Variants in CDCA5 observed in about 807,000 individuals in gnomAD.
CDCA5 encodes the protein sororin.
Under a neutral mutation model 25.7 loss-of-function variants are expected in CDCA5, and 14 were observed. That is an observed-to-expected ratio of 0.54 (90% confidence interval 0.36 to 0.85). The LOEUF (loss-of-function observed/expected upper bound fraction) is 0.85. Ranked by LOEUF, CDCA5 falls within the 40% of genes least tolerant of loss-of-function variation. The probability of loss-of-function intolerance (pLI) is 0.01; values close to 1 mark genes in which losing one functional copy is unlikely to be tolerated. For missense variants in CDCA5, 307 were observed against 324.5 expected (o/e 0.95, Z 0.41); for synonymous variants, 127 against 128.7 (o/e 0.99, Z 0.09).
chr11:65,078,480 A>C lies in CDCA5; in HGVS notation c.*627T>G. On this transcript the variant is annotated 3_prime_UTR_variant, in exon 6 of 6. Coordinates refer to ENST00000275517, the MANE Select transcript of CDCA5 (RefSeq NM_080668.4). ...CTGTGTAGTACACACTTATGGTCTG[A>C]GACCCAACTAAGGCTCCCTACATCC... is the stretch of plus-strand genomic sequence containing the variant. 1.0e-6 allele frequency: 1 copy of C among 985,584 alleles called. No individual in the cohort carries two copies. Among genetic ancestry groups the C allele is most frequent in the East Asian group, 1.1e-4 (1 of 8,820 alleles). The allele number at this position is 985,584 out of a possible 1,614,324, so 61.1% of individuals were successfully genotyped here. A position where few individuals can be genotyped will look rare whatever the true frequency, so the allele number is the denominator to read the frequency against.
chr11:65,068,679 G>A, intron 1 of CDCA5: 1 of 882,210 alleles, frequency 1.1e-6, no homozygotes, highest in Non-Finnish European at 1.6e-6. Flanking sequence ...CTGGTTTTTA[G>A]GGGGCGGCTT....
downstream of CDCA5, among the ~76,000 whole-genome samples, chr11:65,075,909 G>A (rs78301846): frequency 0.035 from 5,267 of 152,282 alleles, 150 homozygotes; most frequent in East Asian, 0.078. Flanking sequence ...AAAAGGAGCT[G>A]GCAGTGCCAC....
chr11:65,077,456 A>T lies in CDCA5; in HGVS notation c.*1651T>A, dbSNP rs1006430464. On this transcript the variant is annotated 3_prime_UTR_variant, in exon 6 of 6. Transcript: ENST00000275517. Reference sequence around the variant, plus strand: ...TCAATAAAAGAAACACAGTCCATGAACAGGCAGAAACTCTTTAATCAGGCT... The same window carrying T: ...TCAATAAAAGAAACACAGTCCATGATCAGGCAGAAACTCTTTAATCAGGCT... 1.0e-6 allele frequency: 1 copy of T among 985,324 alleles called. No homozygotes were observed. Among genetic ancestry groups the T allele is most frequent in the African/African-American group, 1.7e-5 (1 of 57,236 alleles). 61.0% of individuals were successfully genotyped at this position (985,324 alleles called of 1,614,324 possible).
downstream of CDCA5, among the ~76,000 whole-genome samples, chr11:65,074,874 C>T (rs1947410655): frequency 6.6e-6 from 1 of 151,572 alleles, no homozygotes; most frequent in African/African-American, 2.4e-5. Flanking sequence ...CCAGTCTGAC[C>T]AACATGGAGA....
chr11:65,071,478 C>A (rs918409672), intron 1 of CDCA5, among the ~76,000 whole-genome samples: 1 of 150,422 alleles, frequency 6.6e-6, no homozygotes, highest in African/African-American at 2.5e-5. Context: ...TCCTGAGTAG[C>A]TAATTTTTGT....
chr11:65,077,870 A>G lies in CDCA5; in HGVS notation c.*1237T>C, dbSNP rs1425048129. On this transcript the variant is annotated 3_prime_UTR_variant, in exon 6 of 6. Coordinates refer to ENST00000275517, the MANE Select transcript of CDCA5 (RefSeq NM_080668.4). ...CTGTTATCCACCAGCTCCTCTGCAC[A>G]CCTCAGCGTCTACTTCCACGAACTT... 1.0e-6 allele frequency: 1 copy of G among 985,556 alleles called. No homozygotes were observed. The highest frequency in any genetic ancestry group is 1.7e-5 in the African/African-American group (1 of 57,216). The allele number at this position is 985,556 out of a possible 1,614,324, so 61.1% of individuals were successfully genotyped here.
intron 1 of CDCA5, 24 bp downstream of exon 1, chr11:65,083,909 G>A (rs1402857859): frequency 1.2e-6 from 2 of 1,609,148 alleles, no homozygotes; most frequent in Admixed American, 3.3e-5. Context: ...TCGACCTCAC[G>A]TCTCCCGCGC....
intron 4 of CDCA5, among the ~76,000 whole-genome samples, chr11:65,082,094 G>T (rs1947579507): frequency 6.6e-6 from 1 of 152,206 alleles, no homozygotes; most frequent in Non-Finnish European, 1.5e-5. Context: ...TCACGCCCTT[G>T]GCTTCATGCT....
chr11:65,067,143 G>A (rs944325179), intron 4 of CDCA5, among the ~76,000 whole-genome samples: 1 of 152,264 alleles, frequency 6.6e-6, no homozygotes, highest in Non-Finnish European at 1.5e-5. Flanking sequence ...GGCTGCTTCT[G>A]TGGGTGGGCT....
downstream of CDCA5, among the ~76,000 whole-genome samples, chr11:65,062,823 C>T (rs1320452846): frequency 6.6e-6 from 1 of 152,164 alleles, no homozygotes; most frequent in African/African-American, 2.4e-5. Flanking sequence ...GCTTCCTCTT[C>T]CTCTGTGGCT....
chr11:65,070,945 T>G (rs76543587), intron 1 of CDCA5, among the ~76,000 whole-genome samples: 1 of 72,998 alleles, frequency 1.4e-5, no homozygotes, highest in African/African-American at 5.2e-5. Flanking sequence ...TTTTCTTTTC[T>G]TTTTTTTTTT....
At position 65,066,644 on chromosome 11, in the gene CDCA5, G is replaced by A. The variant is rs968388784; in HGVS notation, c.471C>T (p.Ala157=). 2.3e-6 allele frequency: 3 copies of A among 1,289,092 alleles called. No homozygotes were observed. In the African/African-American group the frequency reaches 4.6e-5, roughly 20 times the overall value. 79.9% of individuals were successfully genotyped at this position (1,289,092 alleles called of 1,614,324 possible). A position where few individuals can be genotyped will look rare whatever the true frequency, so the allele number is the denominator to read the frequency against. Reference sequence around the variant, plus strand: ...CCTGGGCCTCCTCCTGGATGGCCTGGGCTCCCTCCTTCAGGCTCTTATACA... The same window carrying A: ...CCTGGGCCTCCTCCTGGATGGCCTGAGCTCCCTCCTTCAGGCTCTTATACA... Residue 157 remains alanine (A), a synonymous_variant, in exon 6 of 7, where the codon GCC becomes GCT. Coordinates refer to the CDCA5 transcript ENST00000525464.
downstream of CDCA5, among the ~76,000 whole-genome samples, chr11:65,074,084 G>A (rs921335409): frequency 2.6e-5 from 4 of 152,182 alleles, no homozygotes; most frequent in Non-Finnish European, 1.5e-5. Flanking sequence ...ACTGCTGCAC[G>A]GAGCATGGGA....
Position 65,079,601 on chromosome 11 carries a change from G to A in CDCA5, c.430C>T (p.Arg144Cys), listed in dbSNP as rs747808569. 9 of 1,612,660 alleles carry A rather than the reference G, an allele frequency of 5.6e-6. No individual in the cohort carries two copies. The highest frequency in any genetic ancestry group is 1.3e-5 in the African/African-American group (1 of 74,946). ...RDLEMSKKVR[R>C]SYSRLETLGS... ...AGGGTCTCCAGCCGGCTGTAGGAAC[G>A]CCTGACTTTCTTAGACATTTCCAAG... The change falls in exon 5 of 6, where the codon CGT becomes TGT. Residue 144 changes from arginine to cysteine, a missense_variant. Transcript: ENST00000275517.
rs147595222 is a variant in CDCA5 at position 65,077,745 on chromosome 11, T to C, written c.*1362A>G. 4 of 985,582 alleles carry C rather than the reference T, an allele frequency of 4.1e-6. No homozygotes were observed. The highest frequency in any genetic ancestry group is 4.8e-6 in the Non-Finnish European group (4 of 830,006). 61.1% of individuals were successfully genotyped at this position (985,582 alleles called of 1,614,324 possible). The stretch of plus-strand genomic sequence containing the variant: ...ACCACAGAGCGTTGAGCAGATGGCC[T>C]GGGACTCCCAGACCTGGCAGAGGGT... On this transcript the variant is annotated 3_prime_UTR_variant, in exon 6 of 6. Transcript: ENST00000275517.
intron 4 of CDCA5, chr11:65,066,899 C>T: frequency 1.6e-6 from 2 of 1,288,534 alleles, no homozygotes; most frequent in Non-Finnish European, 1.0e-6. Context: ...AAAAACAGAC[C>T]CCTCCCACCT....
At chr11:65,071,696 C>CACA in intron 1 of CDCA5, among the ~76,000 whole-genome samples, 1 of 152,268 alleles carries the variant, frequency 6.6e-6, no homozygotes, top group East Asian at 1.9e-4. Context: ...ACACTATGGC[C>CACA]ACATGTTGGT....
downstream of CDCA5, among the ~76,000 whole-genome samples, chr11:65,062,691 G>A (rs1209177373): frequency 6.6e-6 from 1 of 152,136 alleles, no homozygotes; most frequent in Non-Finnish European, 1.5e-5. Context: ...CAACACTTTG[G>A]GAGGCTGAGG....
downstream of CDCA5, among the ~76,000 whole-genome samples, chr11:65,063,825 T>TAACACCCTGGGGCCCACGC (rs1947207382): frequency 6.6e-6 from 1 of 152,164 alleles, no homozygotes; most frequent in African/African-American, 2.4e-5. Context: ...AAGGACCAGG[T>TAACACCCTGGGGCCCACGC]AACACCCTGG....
Sources: gnomAD v4.1 joint callset for allele counts (sites outside exome capture counted in the v4.1 genomes callset) on GRCh38, gnomAD v4.1.1 for gene constraint, MANE v1.5 for transcripts, NCBI Gene and HGNC (gene_info 2026-07-23, HGNC 2026-07-21) for gene names.